CHIT1: variants seen among roughly 807,000 people sequenced by gnomAD.
CHIT1 encodes the protein chitinase 1, also known as chitotriosidase-1.
CHIT1 carries 47 observed loss-of-function variants against 52.0 expected under a neutral mutation model. That is an observed-to-expected ratio of 0.90 (90% confidence interval 0.71 to 1.15). The LOEUF is 1.15. CHIT1 is among the 50% of genes most tolerant of loss of function. The pLI, the probability that CHIT1 is intolerant of heterozygous loss-of-function variation, is 0.00. For missense variants in CHIT1, 569 were observed against 583.0 expected (o/e 0.98, Z 0.25); for synonymous variants, 242 against 228.2 (o/e 1.06, Z -0.54).
At chr1:203,222,520 C>T (rs1158219416) in intron 6 of CHIT1, among the ~76,000 whole-genome samples, 195 bp from the exon 7 acceptor site, 1 of 152,194 alleles carries the variant, frequency 6.6e-6, no homozygotes, top group Non-Finnish European at 1.5e-5. Context: ...GAAGGCCATT[C>T]TCATTCTCAC....
Position 203,225,439 on chromosome 1 carries a change from C to A in CHIT1, c.257+230G>T, listed in dbSNP as rs77414747. ...TTCATGGGAGACAGAAAGAGTCTCACAATCCTGATCACACTTAGACCTAAA... is the reference window on the plus strand; with the variant it reads ...TTCATGGGAGACAGAAAGAGTCTCAAAATCCTGATCACACTTAGACCTAAA... On this transcript the variant is annotated intron_variant, in intron 3 of 10. Transcript: ENST00000367229. Among the ~76,000 whole-genome samples, 146 of 152,224 alleles carry A rather than the reference C, an allele frequency of 9.6e-4. 2 individuals carry two copies. The East Asian group carries it at 0.021, about 22-fold the overall frequency.
rs138849904 is a variant in CHIT1 at position 203,220,915 on chromosome 1, C to T, written c.730-1066G>A. Among the ~76,000 whole-genome samples, 22 of 152,278 alleles carry T rather than the reference C, an allele frequency of 1.4e-4. No individual in the cohort carries two copies. The East Asian group carries it at 4.2e-3, about 29-fold the overall frequency. On this transcript the variant is annotated intron_variant, in intron 7 of 10. Coordinates refer to ENST00000367229, the MANE Select transcript of CHIT1 (RefSeq NM_003465.3). ...TAGGAATAAGATGGCCTCCATTCCT[C>T]GGTGGATTCAAGGTACACAATGTGG... is the stretch of plus-strand genomic sequence containing the variant.
chr1:203,216,850 G>A lies in CHIT1; in HGVS notation c.*39C>T, dbSNP rs1305984775. The A allele has an allele frequency of 2.5e-6, 4 of 1,612,708 alleles. No homozygotes were observed. The highest frequency in any genetic ancestry group is 1.7e-5 in the Admixed American group (1 of 60,030). On this transcript the variant is annotated 3_prime_UTR_variant, in exon 11 of 11. Transcript: ENST00000367229. Reference sequence around the variant, plus strand: ...GAGGCAGGCTGTAGAGTGATCCTGGGCCCAGCCTCAAAGCTGGGACTGGAG... The same window carrying A: ...GAGGCAGGCTGTAGAGTGATCCTGGACCCAGCCTCAAAGCTGGGACTGGAG...
intron 2 of CHIT1, among the ~76,000 whole-genome samples, chr1:203,227,588 C>T (rs1404569034): frequency 6.6e-6 from 1 of 152,220 alleles, no homozygotes; most frequent in East Asian, 1.9e-4. Flanking sequence ...GGACCTTCCA[C>T]AATGTGTGTC....
rs1241758099 is a variant in CHIT1, at chr1:203,216,218, T to G, written c.*671A>C. 1 of 454,138 alleles carries G rather than the reference T, an allele frequency of 2.2e-6. No individual in the cohort carries two copies. Among genetic ancestry groups the G allele is most frequent in the Admixed American group, 2.3e-5 (1 of 42,582 alleles). 28.1% of individuals were successfully genotyped at this position (454,138 alleles called of 1,614,324 possible). A position where few individuals can be genotyped will look rare whatever the true frequency, so the allele number is the denominator to read the frequency against. On this transcript the variant is annotated 3_prime_UTR_variant, in exon 11 of 11. Coordinates refer to ENST00000367229, the MANE Select transcript of CHIT1 (RefSeq NM_003465.3). Reference sequence around the variant, plus strand: ...ATAAAGTGAGAATAATCATTGTTCCTTCTTCATCTGGTGAACGGGGGCAGT... The same window carrying G: ...ATAAAGTGAGAATAATCATTGTTCCGTCTTCATCTGGTGAACGGGGGCAGT...
Position 203,217,836 on chromosome 1 carries a change from G to GCCCAGTCCCTAGACCATGGCCCCT in CHIT1, c.1058_1059insAGGGGCCATGGTCTAGGGACTGGG (p.Val357_Trp358insTer), listed in dbSNP as rs754057913. 2 of 1,613,872 alleles carry GCCCAGTCCCTAGACCATGGCCCCT rather than the reference G, an allele frequency of 1.2e-6. No homozygotes were observed. Among genetic ancestry groups the GCCCAGTCCCTAGACCATGGCCCCT allele is most frequent in the Admixed American group, 1.7e-5 (1 of 59,978 alleles). On this transcript the variant is annotated stop_gained and inframe_insertion, in exon 10 of 11. Coordinates refer to ENST00000367229, the MANE Select transcript of CHIT1 (RefSeq NM_003465.3). LOFTEE classifies it high-confidence loss of function. ...AGTCCAGTGCCCAGACCATGGCCCC[G>GCCCAGTCCCTAGACCATGGCCCCT]CCCAGTCCCTTCTGCTTCAGATAGC... is the stretch of plus-strand genomic sequence containing the variant.
chr1:203,222,598 A>T (rs1387550991), intron 6 of CHIT1, among the ~76,000 whole-genome samples: 2 of 152,086 alleles, frequency 1.3e-5, no homozygotes, highest in African/African-American at 4.8e-5. Flanking sequence ...CACTCAAGAA[A>T]ACTCCTGCTA....
chr1:203,227,246 C>T (rs1390040858), intron 2 of CHIT1, among the ~76,000 whole-genome samples: 1 of 152,060 alleles, frequency 6.6e-6, no homozygotes, highest in Non-Finnish European at 1.5e-5. Context: ...CCAGAGGTCA[C>T]CCAGGAGTGC....
At chr1:203,217,689 T>A (rs763127624) in intron 10 of CHIT1, 50 bp downstream of exon 10, 2 of 1,613,600 alleles carry the variant, frequency 1.2e-6, no homozygotes, top group Non-Finnish European at 1.7e-6. Context: ...TGGAGCTGTG[T>A]TTGTACCCCA....
intron 7 of CHIT1, among the ~76,000 whole-genome samples, chr1:203,220,346 G>A (rs532072563): frequency 1.2e-4 from 18 of 152,314 alleles, no homozygotes; most frequent in South Asian, 1.0e-3. Context: ...GGTCATCATC[G>A]TTATCATGAT....
In CHIT1 at chr1:203,217,084, T is replaced by C. The variant is rs570033379; in HGVS notation, c.1206A>G (p.Pro402=). The change falls in exon 11 of 11, where the codon CCA becomes CCG. Residue 402 remains proline (P), a synonymous_variant. Transcript: ENST00000367229. ...CATGCTCAGGTTCAGAGGGCTGACC[T>C]GGTTTTGGAACTTCAAGCTCTGGGG... is the stretch of plus-strand genomic sequence containing the variant. The part of the protein sequence containing the change: ...SGTPELEVPK[P]GQPSEPEHGP... The C allele has an allele frequency of 1.1e-5, 18 of 1,612,564 alleles. No homozygotes were observed. The highest frequency in any genetic ancestry group is 1.5e-5 in the Non-Finnish European group (18 of 1,180,032).
chr1:203,219,391 C>T (rs577718954), intron 8 of CHIT1, 62 bp from the exon 9 acceptor site: 3 of 1,019,400 alleles, frequency 2.9e-6, no homozygotes, highest in African/African-American at 1.6e-5. Context: ...ACCTTCCCTT[C>T]CTCACCAGGA....
In CHIT1 at chr1:203,216,958, C is replaced by A. The variant is rs1303134256; in HGVS notation, c.1332G>T (p.Arg444=). The part of the protein sequence containing the change: ...RSSFYSCAAG[R]LFQQSCPTGL... ...CTGTCGGGCAGCTTTGCTGGAACAGCCGCCCCGCTGCACAGCTGTAGAAGC... is the reference window on the plus strand; with the variant it reads ...CTGTCGGGCAGCTTTGCTGGAACAGACGCCCCGCTGCACAGCTGTAGAAGC... The change falls in exon 11 of 11, where the codon CGG becomes CGT. Residue 444 remains arginine (R), a synonymous_variant. Transcript: ENST00000367229. 6.2e-7 allele frequency: 1 copy of A among 1,614,052 alleles called. No homozygotes were observed. Among genetic ancestry groups the A allele is most frequent in the African/African-American group, 1.3e-5 (1 of 74,936 alleles).
At chr1:203,222,129 G>A (rs778835556) in intron 7 of CHIT1, 73 bp downstream of exon 7, 26 of 1,602,496 alleles carry the variant, frequency 1.6e-5, no homozygotes, top group Non-Finnish European at 2.0e-5. Flanking sequence ...GAGGGCCTCG[G>A]GGCTCAAAAG....
chr1:203,228,593 T>C (rs1657012197), intron 1 of CHIT1, 31 bp from the exon 2 acceptor site: 1 of 1,569,972 alleles, frequency 6.4e-7, no homozygotes, highest in Non-Finnish European at 8.7e-7. Flanking sequence ...AGGCCAGGGT[T>C]ATGCTGCCAT....
intron 7 of CHIT1, 43 bp downstream of exon 7, chr1:203,222,159 G>A (rs1469937687): frequency 6.2e-7 from 1 of 1,612,346 alleles, no homozygotes; most frequent in African/African-American, 1.3e-5. Context: ...AACAGGGCCT[G>A]CTGGACAGGG....
chr1:203,225,988 T>A (rs1656916604), intron 2 of CHIT1, 118 bp from the exon 3 acceptor site: 1 of 1,088,710 alleles, frequency 9.2e-7, no homozygotes, highest in East Asian at 2.6e-5. Flanking sequence ...CTGGAGTCAG[T>A]GGAGGGACCC....
chr1:203,220,360 T>C (rs1002485), intron 7 of CHIT1, among the ~76,000 whole-genome samples: 81,850 of 152,064 alleles, frequency 0.54, 22,739 homozygotes, highest in East Asian at 0.93. Context: ...TCATGATTGT[T>C]GTCTTAGTTT....
At chr1:203,223,417 C>G (rs1332615382) in intron 5 of CHIT1, 78 bp downstream of exon 5, 2 of 1,599,942 alleles carry the variant, frequency 1.3e-6, no homozygotes, top group Non-Finnish European at 1.7e-6. Context: ...GGGGGCAGAG[C>G]AGCCCCCACA....
Sources: gnomAD v4.1 joint callset for allele counts (sites outside exome capture counted in the v4.1 genomes callset) on GRCh38, gnomAD v4.1.1 for gene constraint, MANE v1.5 for transcripts, NCBI Gene and HGNC (gene_info 2026-07-23, HGNC 2026-07-21) for gene names.